ZBTB37: variants seen among roughly 807,000 people sequenced by gnomAD.
The protein encoded by ZBTB37 is zinc finger and BTB domain-containing protein 37.
A neutral mutation model predicts 37.7 loss-of-function variants in ZBTB37; 15 were observed. The ratio of observed to expected loss-of-function variants is 0.40; its 90% CI spans 0.27 to 0.61. The LOEUF is 0.61. Among genes scored for constraint, ZBTB37 ranks in the 20% least tolerant of loss-of-function variants. The pLI, the probability that ZBTB37 is intolerant of heterozygous loss-of-function variation, is 0.44. For synonymous variants in ZBTB37, 231 were observed against 220.6 expected (o/e 1.05, Z -0.42); for missense variants, 514 against 641.9 (o/e 0.80, Z 2.15).
rs367706943 is a variant in ZBTB37, at chr1:173,877,421, G to A, written c.1023+3855G>A. Among the ~76,000 whole-genome samples, 20 of 124,112 alleles carry A rather than the reference G, an allele frequency of 1.6e-4. 1 individual carries two copies. Among genetic ancestry groups the A allele is most frequent in the Non-Finnish European group, 2.4e-4 (15 of 63,434 alleles). The allele number at this position is 124,112 out of a possible 152,430, so 81.4% of individuals were successfully genotyped here. A position where few individuals can be genotyped will look rare whatever the true frequency, so the allele number is the denominator to read the frequency against. ...TTCCGAGACAGGATCTCACTTTGTC[G>A]TCCAGGCTAGAGTGCAGTGGTATGA... On this transcript the variant is annotated intron_variant, in intron 4 of 4. Coordinates refer to ENST00000427304, the Ensembl canonical transcript of ZBTB37.
chr1:173,873,547 C>T, exon 4 of ZBTB37: 1 of 1,614,018 alleles, frequency 6.2e-7, no homozygotes, highest in Non-Finnish European at 8.5e-7. Flanking sequence ...ATGGATGAGC[C>T]TAAGCAACCC....
intron 4 of ZBTB37, among the ~76,000 whole-genome samples, chr1:173,881,641 G>T (rs190221655): frequency 6.6e-6 from 1 of 152,112 alleles, no homozygotes; most frequent in Non-Finnish European, 1.5e-5. Context: ...TTCAATGATC[G>T]CCATTCTAAC....
At chr1:173,891,933 A>G (rs1656859241) in exon 4 of ZBTB37, 3 of 152,204 alleles carry the variant, frequency 2.0e-5, no homozygotes, top group Admixed American at 1.3e-4. Context: ...TCAAGTGAGT[A>G]ACTAGCTTTC....
intron 4 of ZBTB37, chr1:173,873,784 C>G: frequency 1.6e-6 from 1 of 631,952 alleles, no homozygotes; most frequent in Non-Finnish European, 2.4e-6. Context: ...TTCTACCAAG[C>G]ATAGATGCAA....
intron 4 of ZBTB37, among the ~76,000 whole-genome samples, chr1:173,884,112 T>A (rs1044203644): frequency 1.3e-5 from 2 of 152,200 alleles, no homozygotes; most frequent in Non-Finnish European, 2.9e-5. Flanking sequence ...TTGATTTTTT[T>A]AATACAGAAT....
exon 4 of ZBTB37, chr1:173,898,388 G>C (rs1488804842): frequency 6.7e-6 from 1 of 149,922 alleles, no homozygotes; most frequent in Non-Finnish European, 1.5e-5. Flanking sequence ...TTGAACTCGG[G>C]AGGTGGAAAT....
At chr1:173,890,006 CAG>C (rs1656783287), downstream of ZBTB37, 1 of 152,074 alleles carries the variant, frequency 6.6e-6, no homozygotes, top group South Asian at 2.1e-4. Context: ...GGTCTGGTGG[CAG>C]AGTGAAGTAG....
At chr1:173,871,054 G>A (rs1157687582) in exon 3 of ZBTB37, 2 of 1,614,212 alleles carry the variant, frequency 1.2e-6, no homozygotes, top group Admixed American at 3.3e-5. Context: ...CATGGTGATT[G>A]ATACCACAGG....
exon 5 of ZBTB37, chr1:173,885,825 A>C: frequency 1.3e-6 from 2 of 1,551,802 alleles, no homozygotes; most frequent in South Asian, 1.2e-5. Context: ...CGTCTGCCGC[A>C]TGTGTGGCAA....
chr1:173,880,930 A>T (rs1385604404), intron 4 of ZBTB37, among the ~76,000 whole-genome samples: 2 of 151,414 alleles, frequency 1.3e-5, no homozygotes, highest in Non-Finnish European at 2.9e-5. Context: ...CCTTCCTTAG[A>T]GTTGGGGAGA....
chr1:173,887,371 G>T (rs981538562), downstream of ZBTB37: 12 of 152,152 alleles, frequency 7.9e-5, no homozygotes, highest in African/African-American at 2.9e-4. Context: ...CAAGAGCTTT[G>T]CTTTTTAATA....
chr1:173,886,095 G>T, exon 5 of ZBTB37: 3 of 1,551,528 alleles, frequency 1.9e-6, no homozygotes, highest in Non-Finnish European at 2.6e-6. Context: ...AGCTGTCCAG[G>T]GCTCTGTGTC....
chr1:173,884,408 T>G (rs1313179166), intron 4 of ZBTB37, among the ~76,000 whole-genome samples: 1 of 152,070 alleles, frequency 6.6e-6, no homozygotes, highest in African/African-American at 2.4e-5. Context: ...TTCTCCCACC[T>G]CAGCCTCCCA....
intron 4 of ZBTB37, among the ~76,000 whole-genome samples, chr1:173,876,474 C>T (rs571095973): frequency 5.9e-4 from 90 of 152,162 alleles, no homozygotes; most frequent in Non-Finnish European, 8.7e-4. Context: ...CATGCTACCA[C>T]GCCCAGCTAA....
intron 4 of ZBTB37, among the ~76,000 whole-genome samples, chr1:173,881,494 G>A (rs1395025665): frequency 3.9e-5 from 6 of 152,302 alleles, no homozygotes; most frequent in Admixed American, 3.9e-4. Flanking sequence ...TGAGTCAAAT[G>A]GTATTTCTAG....
At chr1:173,892,726 G>T (rs770394823) in exon 4 of ZBTB37, 8 of 152,064 alleles carry the variant, frequency 5.3e-5, no homozygotes, top group Non-Finnish European at 1.2e-4. Flanking sequence ...TATATCAGTA[G>T]CTCACATCTT....
chr1:173,893,245 A>G (rs978742963), exon 4 of ZBTB37: 5 of 152,142 alleles, frequency 3.3e-5, no homozygotes, highest in African/African-American at 9.7e-5. Flanking sequence ...TATGGCCTAC[A>G]CCATGATTTT....
intron 4 of ZBTB37, among the ~76,000 whole-genome samples, chr1:173,881,034 C>G (rs1054897015): frequency 2.6e-5 from 4 of 151,536 alleles, no homozygotes; most frequent in Non-Finnish European, 5.9e-5. Context: ...ATACATGTGC[C>G]ATGTTGGTGT....
At chr1:173,886,501 G>C (rs369134250) in exon 5 of ZBTB37, 1 of 169,022 alleles carries the variant, frequency 5.9e-6, no homozygotes. Context: ...ATAATTGCCC[G>C]GATCTAAAAA....
Sources: gnomAD v4.1 joint callset for allele counts (sites outside exome capture counted in the v4.1 genomes callset) on GRCh38, gnomAD v4.1.1 for gene constraint, MANE v1.5 for transcripts, NCBI Gene and HGNC (gene_info 2026-07-23, HGNC 2026-07-21) for gene names.